The following TTC27 variants were observed in gnomAD, a reference collection of about 807,000 sequenced individuals.
The protein encoded by TTC27 is tetratricopeptide repeat protein 27.
Under a neutral mutation model 115.9 loss-of-function variants are expected in TTC27, and 79 were observed. The ratio of observed to expected loss-of-function variants is 0.68; its 90% CI spans 0.57 to 0.82. The LOEUF is 0.82. TTC27 is among the 40% of genes least tolerant of loss of function. TTC27 has a pLI of 0.00. For missense variants in TTC27, 1,054 were observed against 993.1 expected (o/e 1.06, Z -0.82); for synonymous variants, 401 against 356.0 (o/e 1.13, Z -1.42).
chr2:32,693,865 C>T (rs1341488409), intron 9 of TTC27, among the ~76,000 whole-genome samples: 1 of 152,116 alleles, frequency 6.6e-6, no homozygotes, highest in Non-Finnish European at 1.5e-5. Flanking sequence ...GAAAAGATAC[C>T]ATTACTGTTG....
intron 14 of TTC27, 122 bp downstream of exon 14, chr2:32,778,102 G>T (rs1670059092): frequency 1.3e-6 from 1 of 782,454 alleles, no homozygotes; most frequent in Admixed American, 2.8e-5. Context: ...TTTGAGGGAA[G>T]GTCGTACCTC....
chr2:32,771,011 C>T (rs886761184), intron 13 of TTC27, among the ~76,000 whole-genome samples: 2 of 152,152 alleles, frequency 1.3e-5, no homozygotes, highest in Non-Finnish European at 2.9e-5. Flanking sequence ...GTGTAACTTG[C>T]ATAACTGCCA....
intron 16 of TTC27, among the ~76,000 whole-genome samples, chr2:32,798,222 C>T (rs1328019023): frequency 1.3e-5 from 2 of 149,736 alleles, no homozygotes; most frequent in Non-Finnish European, 3.0e-5. Flanking sequence ...CTGGCTAACA[C>T]AGTAAAACCC....
At position 32,702,827 on chromosome 2, in the gene TTC27, G is replaced by A. The variant is rs766043337; in HGVS notation, c.1140G>A (p.Lys380=). Residue 380 remains lysine (K), a synonymous_variant, in exon 10 of 20, where the codon AAG becomes AAA. Coordinates refer to ENST00000317907, the MANE Select transcript of TTC27 (RefSeq NM_017735.5). ...AFTSCLLSQP[K]FWAIQTSALI... ...ATCAGTGTTTGCTTTCACAACCAAA[G>A]TTCTGGGCCATTCAGACATCAGCCT... 12 of 1,613,758 alleles carry A rather than the reference G, an allele frequency of 7.4e-6. No homozygotes were observed. The highest frequency in any genetic ancestry group is 1.7e-6 in the Non-Finnish European group (2 of 1,179,898).
intron 3 of TTC27, among the ~76,000 whole-genome samples, chr2:32,638,407 C>G (rs1664506245): frequency 6.6e-6 from 1 of 152,086 alleles, no homozygotes; most frequent in African/African-American, 2.4e-5. Context: ...CTAAGGCAGT[C>G]TCGCTCTGTC....
intron 3 of TTC27, among the ~76,000 whole-genome samples, chr2:32,637,945 C>T (rs1664491702): frequency 6.6e-6 from 1 of 152,206 alleles, no homozygotes; most frequent in African/African-American, 2.4e-5. Flanking sequence ...GGTGTAGTGC[C>T]AGTCAGAAGG....
At chr2:32,753,230 A>G (rs903770818) in intron 12 of TTC27, among the ~76,000 whole-genome samples, 1 of 152,122 alleles carries the variant, frequency 6.6e-6, no homozygotes, top group Non-Finnish European at 1.5e-5. Flanking sequence ...CAGGACTCCA[A>G]GCGAGGATTG....
rs1668409608 is a variant in TTC27 at position 32,735,139 on chromosome 2, G to A, written c.1329+1216G>A. Among the ~76,000 whole-genome samples the A allele has an allele frequency of 2.6e-5, 4 of 152,162 alleles. 1 individual carries two copies. The South Asian group carries it at 8.3e-4, about 31-fold the overall frequency. On this transcript the variant is annotated intron_variant, in intron 11 of 19. Transcript: ENST00000317907. ...CCCATTATAAGACTTCTTAAAGTAGGTTATATTCTTAAACACAGGGTGAAC... is the reference window on the plus strand; with the variant it reads ...CCCATTATAAGACTTCTTAAAGTAGATTATATTCTTAAACACAGGGTGAAC...
intron 10 of TTC27, among the ~76,000 whole-genome samples, chr2:32,719,380 C>G (rs941310138): frequency 2.6e-5 from 4 of 152,118 alleles, no homozygotes; most frequent in Non-Finnish European, 5.9e-5. Context: ...ATGCAACAAC[C>G]CAGATAACAG....
At chr2:32,720,948 C>T (rs1024844152) in intron 10 of TTC27, among the ~76,000 whole-genome samples, 3 of 152,066 alleles carry the variant, frequency 2.0e-5, no homozygotes, top group African/African-American at 4.8e-5. Context: ...CTTGGTATTG[C>T]CCTTGATGTG....
chr2:32,666,552 A>G, intron 6 of TTC27, 83 bp from the exon 7 acceptor site: 8 of 1,423,952 alleles, frequency 5.6e-6, no homozygotes, highest in Non-Finnish European at 7.6e-6. Flanking sequence ...TAAACTCTAA[A>G]GCACTCTGAA....
intron 7 of TTC27, among the ~76,000 whole-genome samples, chr2:32,668,822 G>A (rs887739430): frequency 2.0e-5 from 3 of 148,876 alleles, no homozygotes; most frequent in Non-Finnish European, 4.5e-5. Context: ...GCTCACGCCT[G>A]TAATCCCAGC....
chr2:32,657,105 C>A (rs1315160198), intron 5 of TTC27, among the ~76,000 whole-genome samples: 1 of 151,444 alleles, frequency 6.6e-6, no homozygotes, highest in African/African-American at 2.4e-5. Flanking sequence ...CCTGCTTCAA[C>A]CTCCTGAGAA....
intron 12 of TTC27, among the ~76,000 whole-genome samples, chr2:32,740,665 T>C (rs1209145955): frequency 6.6e-6 from 1 of 152,184 alleles, no homozygotes; most frequent in Non-Finnish European, 1.5e-5. Context: ...ACTTACTTAC[T>C]TATTTAGAGA....
In TTC27 at chr2:32,650,317, T is replaced by A. The variant is rs545708856; in HGVS notation, c.640+84T>A. 6 of 983,206 alleles carry A rather than the reference T, an allele frequency of 6.1e-6. No individual in the cohort carries two copies. The South Asian group carries it at 1.1e-4, about 18-fold the overall frequency. The allele number at this position is 983,206 out of a possible 1,614,324, so 60.9% of individuals were successfully genotyped here. ...AGATACTCCTTTTTAGTTTATTTTT[T>A]GTCCGGTAGTAGTGCCTTTTCGTTT... is the stretch of plus-strand genomic sequence containing the variant. On this transcript the variant is annotated intron_variant, in intron 5 of 19. Transcript: ENST00000317907.
intron 9 of TTC27, among the ~76,000 whole-genome samples, chr2:32,681,978 A>ATGTGTGTG (rs1319189348): frequency 1.2e-4 from 17 of 137,834 alleles, no homozygotes; most frequent in African/African-American, 4.4e-4. Flanking sequence ...ATATGTATAT[A>ATGTGTGTG]TATGTGTGTG....
At chr2:32,701,123 A>T (rs1178613647) in intron 9 of TTC27, among the ~76,000 whole-genome samples, 1 of 152,162 alleles carries the variant, frequency 6.6e-6, no homozygotes, top group Non-Finnish European at 1.5e-5. Context: ...GGGGGCAGGG[A>T]TCCTGTCTGT....
chr2:32,723,904 A>G (rs1298282431), intron 10 of TTC27, among the ~76,000 whole-genome samples: 1 of 146,584 alleles, frequency 6.8e-6, no homozygotes, highest in African/African-American at 2.5e-5. Flanking sequence ...GCCTCAAGTG[A>G]TCCTTCTGCC....
At chr2:32,667,737 G>A (rs1006922445) in intron 7 of TTC27, among the ~76,000 whole-genome samples, 2 of 148,798 alleles carry the variant, frequency 1.3e-5, no homozygotes, top group Admixed American at 1.3e-4. Flanking sequence ...TTTTTAATGT[G>A]GAGTTGTTCT....
Sources: gnomAD v4.1 joint callset for allele counts (sites outside exome capture counted in the v4.1 genomes callset) on GRCh38, gnomAD v4.1.1 for gene constraint, MANE v1.5 for transcripts, NCBI Gene and HGNC (gene_info 2026-07-23, HGNC 2026-07-21) for gene names.